SPINK5: variants seen among roughly 807,000 people sequenced by gnomAD.
The protein encoded by SPINK5 is serine peptidase inhibitor Kazal type 5, also known as serine protease inhibitor Kazal-type 5.
SPINK5 carries 125 observed loss-of-function variants against 151.8 expected under a neutral mutation model. The observed-to-expected ratio is 0.82, with a 90% CI of 0.71 to 0.96. The LOEUF is 0.96. Ranked by LOEUF, SPINK5 falls within the 40% of genes least tolerant of loss-of-function variation. The pLI, the probability that SPINK5 is intolerant of heterozygous loss-of-function variation, is 0.00. For synonymous variants in SPINK5, 374 were observed against 395.3 expected (o/e 0.95, Z 0.64); for missense variants, 1,194 against 1,291.9 (o/e 0.92, Z 1.16).
chr5:148,114,274 T>TC lies in SPINK5; in HGVS notation c.1888-88_1888-87insC, dbSNP rs1238894980. On this transcript the variant is annotated intron_variant, in intron 20 of 32. Transcript: ENST00000256084. The stretch of plus-strand genomic sequence containing the variant: ...TTCTCAGGTCATTTTCTCTCTCTTT[T>TC]TTTTTTTTCTATAAAGCACTTAGTA... The TC allele has an allele frequency of 3.4e-5, 47 of 1,397,600 alleles. 1 individual carries two copies. Among genetic ancestry groups the TC allele is most frequent in the Non-Finnish European group, 4.3e-5 (45 of 1,049,614 alleles). The allele number at this position is 1,397,600 out of a possible 1,614,324, so 86.6% of individuals were successfully genotyped here. A position where few individuals can be genotyped will look rare whatever the true frequency, so the allele number is the denominator to read the frequency against.
At chr5:148,109,017 T>C (rs1025545270) in intron 18 of SPINK5, among the ~76,000 whole-genome samples, 180 bp downstream of exon 18, 2 of 152,150 alleles carry the variant, frequency 1.3e-5, no homozygotes, top group Admixed American at 1.3e-4. Context: ...TCACATTAAA[T>C]CTATTAATTG....
At chr5:148,114,256 G>A in intron 20 of SPINK5, 106 bp from the exon 21 acceptor site, 2 of 1,331,714 alleles carry the variant, frequency 1.5e-6, no homozygotes, top group Non-Finnish European at 2.0e-6. Context: ...AAATTCTCAG[G>A]TCATTTTCTC....
At chr5:148,120,945 C>T (rs966463857) in intron 26 of SPINK5, among the ~76,000 whole-genome samples, 9 of 151,700 alleles carry the variant, frequency 5.9e-5, no homozygotes, top group African/African-American at 1.2e-4. Context: ...GAAATCGAGA[C>T]CATCCTGGCT....
At chr5:148,108,911 C>T in intron 18 of SPINK5, 74 bp downstream of exon 18, 1 of 1,593,020 alleles carries the variant, frequency 6.3e-7, no homozygotes, top group Non-Finnish European at 8.6e-7. Flanking sequence ...CCTATTCCCT[C>T]CTCCTCATTC....
chr5:148,134,014 A>T lies in SPINK5; in HGVS notation c.3186+127A>T, dbSNP rs542542171. The T allele has an allele frequency of 5.7e-6, 5 of 870,822 alleles. No homozygotes were observed. In the African/African-American group the frequency reaches 8.2e-5, roughly 14 times the overall value. 53.9% of individuals were successfully genotyped at this position (870,822 alleles called of 1,614,324 possible). On this transcript the variant is annotated intron_variant, in intron 32 of 32. Coordinates refer to ENST00000256084, the MANE Select transcript of SPINK5 (RefSeq NM_006846.4). The stretch of plus-strand genomic sequence containing the variant: ...GAGGTGACACTAGGTCAGGTGACCC[A>T]GAATTGGTCACATTTTCACTATAAG...
At chr5:148,116,321 C>A in intron 21 of SPINK5, 49 bp from the exon 22 acceptor site, 3 of 1,581,682 alleles carry the variant, frequency 1.9e-6, no homozygotes, top group East Asian at 2.2e-5. Context: ...GAAATGCACA[C>A]CACTCTCTGT....
rs547011393 is a variant in SPINK5, at chr5:148,100,670, C to T, written c.1220+89C>T. 3.5e-6 allele frequency: 5 copies of T among 1,447,226 alleles called. No homozygotes were observed. The African/African-American group carries it at 7.0e-5, about 20-fold the overall frequency. The allele number at this position is 1,447,226 out of a possible 1,614,324, so 89.6% of individuals were successfully genotyped here. On this transcript the variant is annotated intron_variant, in intron 13 of 32. Transcript: ENST00000256084. ...TTCAATTATGGGAGGGCCACTTCAA[C>T]ATAAAAATGAAAGAATTAAGGCATA...
intron 8 of SPINK5, among the ~76,000 whole-genome samples, chr5:148,093,798 T>A (rs1753379672): frequency 6.6e-6 from 1 of 151,824 alleles, no homozygotes; most frequent in South Asian, 2.1e-4. Flanking sequence ...TGGTCAGCCT[T>A]ATTTTTTCCG....
At chr5:148,081,166 C>A (rs114827363) in intron 4 of SPINK5, among the ~76,000 whole-genome samples, 1,781 of 151,502 alleles carry the variant, frequency 0.012, 14 homozygotes, top group Non-Finnish European at 0.021. Flanking sequence ...ATAGTCAGAT[C>A]GGGGTAATAT....
At chr5:148,094,290 G>T in intron 8 of SPINK5, 64 bp from the exon 9 acceptor site, 2 of 1,587,600 alleles carry the variant, frequency 1.3e-6, no homozygotes, top group Non-Finnish European at 1.7e-6. Context: ...GCAAAATCCT[G>T]TCTCAAAAAA....
rs1207192602 is a variant in SPINK5 at position 148,107,018 on chromosome 5, T to C, written c.1480-19T>C. On this transcript the variant is annotated intron_variant, in intron 16 of 32. Coordinates refer to ENST00000256084, the MANE Select transcript of SPINK5 (RefSeq NM_006846.4). Reference sequence around the variant, plus strand: ...AGGATAGAAAACTACTCTGAGAAAATATTTTCTTCATTTCCCAGGAAATCT... The same window carrying C: ...AGGATAGAAAACTACTCTGAGAAAACATTTTCTTCATTTCCCAGGAAATCT... 2 of 1,610,148 alleles carry C rather than the reference T, an allele frequency of 1.2e-6. No individual in the cohort carries two copies. The highest frequency in any genetic ancestry group is 1.7e-6 in the Non-Finnish European group (2 of 1,177,578).
chr5:148,101,434 G>T lies in SPINK5; in HGVS notation c.1300G>T (p.Glu434Ter). Residue 434 changes from glutamate to a stop codon, truncating the protein, a stop_gained and splice_region_variant, in exon 14 of 33, where the codon GAG (glutamate) becomes TAG (stop). Transcript: ENST00000256084. LOFTEE classifies it high-confidence loss of function. The part of the protein sequence containing the change: ...KRQSKSTASF[E>*]ELCSEYRKSR... The stretch of plus-strand genomic sequence containing the variant: ...ACAATCTAAGAGTACAGCTTCCTTT[G>T]AGGTGAGTTTATATCCTCCAGCAAC... The T allele has an allele frequency of 1.2e-6, 2 of 1,608,958 alleles. No individual in the cohort carries two copies. Among genetic ancestry groups the T allele is most frequent in the Non-Finnish European group, 1.7e-6 (2 of 1,175,440 alleles).
intron 8 of SPINK5, among the ~76,000 whole-genome samples, chr5:148,093,419 A>G (rs1753367056): frequency 6.6e-6 from 1 of 151,810 alleles, no homozygotes; most frequent in Admixed American, 6.6e-5. Flanking sequence ...TATCTGTCTA[A>G]GGTGAGGGTG....
intron 10 of SPINK5, 53 bp downstream of exon 10, chr5:148,095,958 G>T: frequency 7.2e-7 from 1 of 1,382,336 alleles, no homozygotes; most frequent in Admixed American, 1.7e-5. Context: ...GTGGGGGGGT[G>T]CGTGTGTGAG....
intron 20 of SPINK5, 82 bp downstream of exon 20, chr5:148,113,016 A>G (rs1753985481): frequency 2.5e-6 from 4 of 1,578,780 alleles, no homozygotes; most frequent in Non-Finnish European, 3.4e-6. Context: ...GAATTACTGA[A>G]ACCCCAGTTG....
intron 3 of SPINK5, 35 bp from the exon 4 acceptor site, chr5:148,072,113 A>G: frequency 6.3e-7 from 1 of 1,593,192 alleles, no homozygotes; most frequent in Non-Finnish European, 8.6e-7. Flanking sequence ...TGAGCAAACA[A>G]TGTTTAAACT....
intron 4 of SPINK5, among the ~76,000 whole-genome samples, chr5:148,082,603 T>TAAAAAATG (rs1439912605): frequency 9.4e-4 from 28 of 29,750 alleles, no homozygotes; most frequent in Middle Eastern, 0.014. Context: ...TATATATTCT[T>TAAAAAATG]TTTTTTTTTT....
rs558659016 is a variant in SPINK5 at position 148,066,287 on chromosome 5, G to A, written c.81+915G>A. ...TTTTAATCTATTTGAAAGATAGGATGACCAATTACTCACACACACACATTT... is the reference window on the plus strand; with the variant it reads ...TTTTAATCTATTTGAAAGATAGGATAACCAATTACTCACACACACACATTT... On this transcript the variant is annotated intron_variant, in intron 2 of 32. Coordinates refer to ENST00000256084, the MANE Select transcript of SPINK5 (RefSeq NM_006846.4). 2.0e-5 allele frequency among the ~76,000 whole-genome samples: 3 copies of A among 152,150 alleles called. No homozygotes were observed. In the South Asian group the frequency reaches 6.2e-4, roughly 32 times the overall value.
chr5:148,117,949 A>G (rs1007124641), intron 22 of SPINK5, among the ~76,000 whole-genome samples: 1 of 152,098 alleles, frequency 6.6e-6, no homozygotes, highest in African/African-American at 2.4e-5. Context: ...CTCATCTCTT[A>G]TAATTACAAC....
Sources: allele counts gnomAD v4.1 joint callset (sites outside exome capture counted in the v4.1 genomes callset), GRCh38; gene constraint gnomAD v4.1.1; transcripts MANE v1.5; gene names NCBI Gene and HGNC (gene_info 2026-07-23, HGNC 2026-07-21).